Variants in VEPH1 observed in about 807,000 individuals in gnomAD.
VEPH1 encodes the protein ventricular zone expressed PH domain containing 1, also known as ventricular zone-expressed PH domain-containing protein homolog 1.
VEPH1 carries 80 observed loss-of-function variants against 85.2 expected under a neutral mutation model. The observed-to-expected ratio is 0.94, with a 90% confidence interval of 0.78 to 1.13. The LOEUF (loss-of-function observed/expected upper bound fraction) is 1.13, where lower values mean the gene tolerates loss of function less well. Ranked by LOEUF, VEPH1 falls within the 50% of genes most tolerant of loss-of-function variation. The pLI is 0.00. For missense variants in VEPH1, 955 were observed against 980.5 expected (o/e 0.97, Z 0.35); for synonymous variants, 297 against 348.0 (o/e 0.85, Z 1.63).
At chr3:157,418,960 A>G (rs1422017099) in intron 5 of VEPH1, among the ~76,000 whole-genome samples, 3 of 152,208 alleles carry the variant, frequency 2.0e-5, no homozygotes, top group Non-Finnish European at 4.4e-5. Context: ...CCAAAACGGC[A>G]GAGTACTGGT....
intron 9 of VEPH1, among the ~76,000 whole-genome samples, chr3:157,317,584 G>T (rs1027875531): frequency 7.2e-5 from 11 of 152,156 alleles, no homozygotes; most frequent in Non-Finnish European, 1.6e-4. Flanking sequence ...TAAATGACTT[G>T]CCATGAACCA....
chr3:157,489,061 C>A (rs1298782316), intron 2 of VEPH1: 3 of 455,316 alleles, frequency 6.6e-6, no homozygotes, highest in Non-Finnish European at 1.3e-5. Flanking sequence ...TTACCACCAC[C>A]ACTGCTCCAT....
intron 3 of VEPH1, among the ~76,000 whole-genome samples, chr3:157,469,044 G>C (rs1449862221): frequency 6.6e-6 from 1 of 152,146 alleles, no homozygotes; most frequent in Non-Finnish European, 1.5e-5. Context: ...CTGTTAAAGT[G>C]CACATTGGAG....
At chr3:157,292,665 C>T (rs1468261850) in intron 11 of VEPH1, among the ~76,000 whole-genome samples, 1 of 151,084 alleles carries the variant, frequency 6.6e-6, no homozygotes, top group East Asian at 2.0e-4. Context: ...GCACTGCAGT[C>T]TGGGCAACAG....
Position 157,363,384 on chromosome 3 carries a change from G to T in VEPH1, c.1715C>A (p.Pro572His). The change falls in exon 9 of 14, where the codon CCT becomes CAT. Residue 572 changes from proline (P) to histidine (H), a missense_variant. Physicochemically the swap from Pro to His is moderately conservative, Grantham distance 77. Transcript: ENST00000362010. ...AMEIGKKIPVPDQCTIEDTVR... is the reference protein window; with the variant it reads ...AMEIGKKIPVHDQCTIEDTVR... ...CTTACCTTCAATGGTACACTGATCAGGGACTGGAATCTTCTTTCCAATTTC... is the reference window on the plus strand; with the variant it reads ...CTTACCTTCAATGGTACACTGATCATGGACTGGAATCTTCTTTCCAATTTC... 1 of 1,608,580 alleles carries T rather than the reference G, an allele frequency of 6.2e-7. No individual in the cohort carries two copies. Among genetic ancestry groups the T allele is most frequent in the African/African-American group, 1.3e-5 (1 of 74,272 alleles).
At chr3:157,477,984 G>A (rs1467686910) in intron 2 of VEPH1, among the ~76,000 whole-genome samples, 1 of 152,112 alleles carries the variant, frequency 6.6e-6, no homozygotes, top group Non-Finnish European at 1.5e-5. Flanking sequence ...ATACCATTTA[G>A]AACAGTTCTG....
At chr3:157,451,612 A>G (rs1734972788) in intron 4 of VEPH1, among the ~76,000 whole-genome samples, 1 of 152,236 alleles carries the variant, frequency 6.6e-6, no homozygotes, top group Non-Finnish European at 1.5e-5. Context: ...ACTCATAAGC[A>G]TAAAAGAGCA....
chr3:157,274,485 C>G (rs544391166), intron 12 of VEPH1, among the ~76,000 whole-genome samples: 1 of 152,032 alleles, frequency 6.6e-6, no homozygotes, highest in African/African-American at 2.4e-5. Context: ...GGTGAACTCT[C>G]TGTCTCTCTG....
At chr3:157,468,514 G>T (rs1736601775) in intron 3 of VEPH1, among the ~76,000 whole-genome samples, 1 of 152,132 alleles carries the variant, frequency 6.6e-6, no homozygotes, top group Non-Finnish European at 1.5e-5. Flanking sequence ...GGCGGAGGTT[G>T]CAGTGAGCCG....
intron 2 of VEPH1, among the ~76,000 whole-genome samples, chr3:157,481,624 C>T (rs562688295): frequency 6.6e-6 from 1 of 152,176 alleles, no homozygotes; most frequent in East Asian, 1.9e-4. Flanking sequence ...TCCCACTTGT[C>T]AATTTTTGTT....
chr3:157,296,062 A>T (rs1718096427), intron 11 of VEPH1, among the ~76,000 whole-genome samples: 2 of 152,268 alleles, frequency 1.3e-5, no homozygotes, highest in Admixed American at 6.5e-5. Context: ...GATATATTTA[A>T]AAAACATAAC....
At chr3:157,498,895 A>C (rs1490236122) in intron 1 of VEPH1, among the ~76,000 whole-genome samples, 1 of 152,242 alleles carries the variant, frequency 6.6e-6, no homozygotes, top group African/African-American at 2.4e-5. Flanking sequence ...TATCATGTAC[A>C]CACAAGCATA....
chr3:157,451,160 G>T (rs1322819574), intron 4 of VEPH1, among the ~76,000 whole-genome samples: 2 of 152,118 alleles, frequency 1.3e-5, no homozygotes, highest in Non-Finnish European at 2.9e-5. Flanking sequence ...AGATTGTAAT[G>T]ATCTGTTCTT....
rs199684125 is a variant in VEPH1 at position 157,261,235 on chromosome 3, C to T, written c.2401G>A (p.Ala801Thr). Reference sequence around the variant, plus strand: ...TCTTCTGCATTCTTCTCATCCTTGGCCTTAAAGACATAGGTTTTATTGTCT... The same window carrying T: ...TCTTCTGCATTCTTCTCATCCTTGGTCTTAAAGACATAGGTTTTATTGTCT... ...FTDNKTYVFK[A>T]KDEKNAEEWL... The change falls in exon 14 of 14, where the codon GCC becomes ACC. Residue 801 changes from alanine (A) to threonine (T), a missense_variant. Coordinates refer to ENST00000362010, the MANE Select transcript of VEPH1 (RefSeq NM_001167912.2). The T allele has an allele frequency of 1.1e-5, 17 of 1,613,684 alleles. No homozygotes were observed. The highest frequency in any genetic ancestry group is 1.4e-5 in the Non-Finnish European group (16 of 1,179,796).
chr3:157,359,688 G>T (rs1045920536), intron 9 of VEPH1, among the ~76,000 whole-genome samples: 1 of 152,140 alleles, frequency 6.6e-6, no homozygotes, highest in South Asian at 2.1e-4. Context: ...AACTCATACC[G>T]AATTCTGCTA....
chr3:157,352,299 T>A (rs935770058), intron 9 of VEPH1, among the ~76,000 whole-genome samples: 1 of 152,246 alleles, frequency 6.6e-6, no homozygotes, highest in African/African-American at 2.4e-5. Context: ...TCTTTCTCTA[T>A]GTTTATTTTC....
Position 157,428,508 on chromosome 3 carries a change from G to A in VEPH1, c.530-20C>T. 3.1e-6 allele frequency: 5 copies of A among 1,610,252 alleles called. No homozygotes were observed. The highest frequency in any genetic ancestry group is 1.3e-5 in the African/African-American group (1 of 74,964). Reference sequence around the variant, plus strand: ...TGTTACCTGTTGAGGGAACAATAAAGGGAATGATGACTTTATCAGGCCATG... The same window carrying A: ...TGTTACCTGTTGAGGGAACAATAAAAGGAATGATGACTTTATCAGGCCATG... On this transcript the variant is annotated intron_variant, in intron 4 of 13. Transcript: ENST00000362010.
intron 9 of VEPH1, among the ~76,000 whole-genome samples, chr3:157,348,699 T>G (rs1224842968): frequency 6.6e-6 from 1 of 152,262 alleles, no homozygotes; most frequent in Non-Finnish European, 1.5e-5. Flanking sequence ...GCCTCCACGC[T>G]GCCCTCCTGG....
At position 157,427,946 on chromosome 3, in the gene VEPH1, A is replaced by G. The variant is rs542996040; in HGVS notation, c.696+376T>C. Among the ~76,000 whole-genome samples the G allele has an allele frequency of 7.9e-5, 12 of 152,330 alleles. No homozygotes were observed. The South Asian group carries it at 2.5e-3, about 32-fold the overall frequency. Reference sequence around the variant, plus strand: ...TCCAATTAACTGAGGGCCCGAATAGAACAAAAAGGTGGAGGAAGGGAGAAT... The same window carrying G: ...TCCAATTAACTGAGGGCCCGAATAGGACAAAAAGGTGGAGGAAGGGAGAAT... On this transcript the variant is annotated intron_variant, in intron 5 of 13. Transcript: ENST00000362010.
Sources: allele counts gnomAD v4.1 joint callset (sites outside exome capture counted in the v4.1 genomes callset), GRCh38; gene constraint gnomAD v4.1.1; transcripts MANE v1.5; gene names NCBI Gene and HGNC (gene_info 2026-07-23, HGNC 2026-07-21).